The following NEGR1 variants were observed in gnomAD, a reference collection of about 807,000 sequenced individuals.
NEGR1 encodes neuronal growth regulator 1.
NEGR1 carries 10 observed loss-of-function variants against 40.9 expected under a neutral mutation model. The ratio of observed to expected loss-of-function variants is 0.24; its 90% CI spans 0.15 to 0.42. NEGR1 has a LOEUF of 0.42. Ranked by LOEUF, NEGR1 falls within the 10% of genes least tolerant of loss-of-function variation. The pLI is 1.00. For missense variants in NEGR1, 352 were observed against 438.9 expected (o/e 0.80, Z 1.77); for synonymous variants, 185 against 166.8 (o/e 1.11, Z -0.84).
chr1:71,557,503 G>A (rs1397946821), intron 6 of NEGR1, among the ~76,000 whole-genome samples: 2 of 151,546 alleles, frequency 1.3e-5, no homozygotes, highest in African/African-American at 4.8e-5. Flanking sequence ...CATTTCTAAT[G>A]TCTCTAGTTG....
intron 4 of NEGR1, among the ~76,000 whole-genome samples, chr1:71,632,915 T>A (rs191649316): frequency 1.2e-3 from 189 of 152,172 alleles, no homozygotes; most frequent in African/African-American, 4.4e-3. Context: ...AATAACAAAG[T>A]GATAGGTAAA....
intron 1 of NEGR1, among the ~76,000 whole-genome samples, chr1:72,058,494 G>C (rs1310507462): frequency 6.6e-6 from 1 of 151,576 alleles, no homozygotes; most frequent in Non-Finnish European, 1.5e-5. Context: ...AGTACATTTT[G>C]AAAATGGTGA....
At chr1:71,708,874 G>C (rs1317093438) in intron 3 of NEGR1, among the ~76,000 whole-genome samples, 10 of 152,120 alleles carry the variant, frequency 6.6e-5, no homozygotes. Context: ...ACTTTGCTGA[G>C]GATAATGGCT....
chr1:71,501,330 A>G lies in NEGR1; in HGVS notation c.940+91487T>C, dbSNP rs529146745. ...TTTGTTATGCATTAATTGTGATTCA[A>G]TGAATGAAATGAACTTTAATCGTAT... On this transcript the variant is annotated intron_variant, in intron 6 of 6. Coordinates refer to ENST00000357731, the MANE Select transcript of NEGR1 (RefSeq NM_173808.3). Among the ~76,000 whole-genome samples the G allele has an allele frequency of 7.0e-4, 107 of 152,262 alleles. 1 individual carries two copies. Among genetic ancestry groups the G allele is most frequent in the African/African-American group, 2.5e-3 (106 of 41,586 alleles).
intron 2 of NEGR1, among the ~76,000 whole-genome samples, chr1:71,839,633 G>C (rs993249310): frequency 6.6e-6 from 1 of 152,126 alleles, no homozygotes; most frequent in African/African-American, 2.4e-5. Flanking sequence ...GGCTTAGATA[G>C]AGGAATATAA....
intron 3 of NEGR1, among the ~76,000 whole-genome samples, chr1:71,739,256 C>T (rs542605676): frequency 7.9e-5 from 12 of 151,800 alleles, no homozygotes; most frequent in African/African-American, 2.7e-4. Flanking sequence ...CTCGCTTAGC[C>T]TCCCAGCCTA....
chr1:71,796,709 TC>T (rs1174253917), intron 2 of NEGR1, among the ~76,000 whole-genome samples: 1 of 152,160 alleles, frequency 6.6e-6, no homozygotes, highest in East Asian at 1.9e-4. Flanking sequence ...GGTATTATGC[TC>T]CCTTAAGGCA....
At chr1:71,661,465 G>C (rs1652052697) in intron 4 of NEGR1, among the ~76,000 whole-genome samples, 2 of 152,112 alleles carry the variant, frequency 1.3e-5, no homozygotes, top group South Asian at 4.1e-4. Flanking sequence ...TTTCCATTCT[G>C]CAAATAAACT....
At chr1:72,085,015 A>C (rs1200185914) in intron 1 of NEGR1, among the ~76,000 whole-genome samples, 1 of 152,186 alleles carries the variant, frequency 6.6e-6, no homozygotes, top group Non-Finnish European at 1.5e-5. Flanking sequence ...AACGTGAGAC[A>C]CTTGTGAACT....
At chr1:71,655,849 A>G (rs542140002) in intron 4 of NEGR1, among the ~76,000 whole-genome samples, 1 of 152,308 alleles carries the variant, frequency 6.6e-6, no homozygotes, top group African/African-American at 2.4e-5. Flanking sequence ...ACGGTCTATT[A>G]GAGGGCATCG....
At chr1:71,445,568 C>A (rs943840177) in intron 6 of NEGR1, among the ~76,000 whole-genome samples, 1 of 152,144 alleles carries the variant, frequency 6.6e-6, no homozygotes, top group African/African-American at 2.4e-5. Context: ...ACAACTGACA[C>A]CTGAGTCTCC....
chr1:71,951,555 A>T (rs1209869636), intron 1 of NEGR1, among the ~76,000 whole-genome samples: 4 of 152,070 alleles, frequency 2.6e-5, no homozygotes, highest in Admixed American at 1.3e-4. Context: ...TTTCTTTTTG[A>T]GTTCTGGCCA....
At chr1:72,276,099 A>G (rs1656039932) in intron 1 of NEGR1, among the ~76,000 whole-genome samples, 1 of 152,018 alleles carries the variant, frequency 6.6e-6, no homozygotes, top group Non-Finnish European at 1.5e-5. Flanking sequence ...TCCATCTCAG[A>G]AAAAGAAAAG....
chr1:71,768,042 T>C (rs1011385065), intron 3 of NEGR1, among the ~76,000 whole-genome samples: 4 of 152,166 alleles, frequency 2.6e-5, no homozygotes, highest in Non-Finnish European at 4.4e-5. Flanking sequence ...TATCCAGGCA[T>C]CCAGGCAGAA....
chr1:72,116,907 A>T (rs1649602441), intron 1 of NEGR1, among the ~76,000 whole-genome samples: 1 of 151,736 alleles, frequency 6.6e-6, no homozygotes, highest in African/African-American at 2.4e-5. Flanking sequence ...ATTAATTGAA[A>T]TGTTTTATTA....
intron 2 of NEGR1, among the ~76,000 whole-genome samples, chr1:71,845,921 G>A (rs1659392042): frequency 8.3e-6 from 1 of 121,164 alleles, no homozygotes; most frequent in African/African-American, 3.1e-5. Context: ...CACGGCACCT[G>A]GCTTTTTTTT....
intron 1 of NEGR1, among the ~76,000 whole-genome samples, chr1:72,036,875 A>G (rs190621928): frequency 1.6e-4 from 24 of 152,264 alleles, no homozygotes; most frequent in Admixed American, 6.5e-4. Flanking sequence ...ACAAGGTGAG[A>G]TATAAATATA....
At chr1:71,442,475 G>A (rs1007695303) in intron 6 of NEGR1, among the ~76,000 whole-genome samples, 8 of 152,116 alleles carry the variant, frequency 5.3e-5, no homozygotes, top group East Asian at 3.9e-4. Flanking sequence ...TTAGCTGGGC[G>A]TGGCGGCATG....
At chr1:71,661,209 T>G (rs1002958097) in intron 4 of NEGR1, among the ~76,000 whole-genome samples, 2 of 152,216 alleles carry the variant, frequency 1.3e-5, no homozygotes, top group African/African-American at 4.8e-5. Context: ...CCTTTGAGTA[T>G]ATACCCAGTA....
Sources: allele counts gnomAD v4.1 joint callset (sites outside exome capture counted in the v4.1 genomes callset), GRCh38; gene constraint gnomAD v4.1.1; transcripts MANE v1.5; gene names NCBI Gene and HGNC (gene_info 2026-07-23, HGNC 2026-07-21).